The following CFAP210 variants were observed in gnomAD, a reference collection of about 807,000 sequenced individuals.
CFAP210 encodes the protein cilia- and flagella- associated protein 210.
the CFAP210 span, among the ~76,000 whole-genome samples, chr2:169,672,155 T>G: frequency 6.6e-6 from 1 of 152,234 alleles, no homozygotes; most frequent in Non-Finnish European, 1.5e-5. Flanking sequence ...GAATATAGCT[T>G]GGCGATAAGT....
At chr2:169,662,147 T>C in the CFAP210 span, 2 of 858,016 alleles carry the variant, frequency 2.3e-6, no homozygotes, top group South Asian at 3.4e-5. Flanking sequence ...CCTTACTTGA[T>C]CATTACATAA....
the CFAP210 span, chr2:169,650,207 T>G: frequency 9.9e-7 from 1 of 1,014,572 alleles, no homozygotes; most frequent in East Asian, 3.1e-5. Flanking sequence ...AGGAAGATAA[T>G]TCATACATTG....
At chr2:169,653,232 A>G in the CFAP210 span, among the ~76,000 whole-genome samples, 1 of 151,314 alleles carries the variant, frequency 6.6e-6, no homozygotes, top group Non-Finnish European at 1.5e-5. Context: ...TACAGATCTG[A>G]AAGAGTTAAG....
chr2:169,657,936 T>C, the CFAP210 span, among the ~76,000 whole-genome samples: 4 of 152,044 alleles, frequency 2.6e-5, no homozygotes, highest in Admixed American at 2.6e-4. Flanking sequence ...TTTCATACTA[T>C]CATACTTGTC....
the CFAP210 span, among the ~76,000 whole-genome samples, chr2:169,690,530 G>C: frequency 1.3e-5 from 2 of 152,014 alleles, no homozygotes; most frequent in Non-Finnish European, 2.9e-5. Flanking sequence ...AGGTGTGGTG[G>C]CGGGTGCCTG....
At chr2:169,683,588 T>C in the CFAP210 span, among the ~76,000 whole-genome samples, 2 of 152,206 alleles carry the variant, frequency 1.3e-5, no homozygotes, top group East Asian at 3.8e-4. Flanking sequence ...TTCGCTAAAA[T>C]TCTAAAGAGG....
chr2:169,671,140 A>C, the CFAP210 span, among the ~76,000 whole-genome samples: 1 of 152,190 alleles, frequency 6.6e-6, no homozygotes, highest in Non-Finnish European at 1.5e-5. Flanking sequence ...ATCCTAGCCT[A>C]TCTCTCCAAC....
At chr2:169,656,055 T>G in the CFAP210 span, among the ~76,000 whole-genome samples, 2 of 152,154 alleles carry the variant, frequency 1.3e-5, no homozygotes, top group African/African-American at 4.8e-5. Flanking sequence ...GGAAAACTGT[T>G]AAGTGGGACT....
At chr2:169,651,718 A>C in the CFAP210 span, among the ~76,000 whole-genome samples, 5 of 152,142 alleles carry the variant, frequency 3.3e-5, no homozygotes, top group Non-Finnish European at 5.9e-5. Context: ...GGCTGAGGCT[A>C]TAAAAGGCCT....
At chr2:169,649,441 A>G in the CFAP210 span, 4 of 1,155,868 alleles carry the variant, frequency 3.5e-6, no homozygotes, top group Non-Finnish European at 4.9e-6. Context: ...AGCAGAGGAG[A>G]GTCAGCCAGG....
chr2:169,656,964 C>CAAAAAAAAAA, the CFAP210 span, among the ~76,000 whole-genome samples: 11 of 40,262 alleles, frequency 2.7e-4, no homozygotes, highest in African/African-American at 7.3e-4. Flanking sequence ...GACTCCATCT[C>CAAAAAAAAAA]AAAAAAAAAA....
At chr2:169,694,015 C>T in the CFAP210 span, among the ~76,000 whole-genome samples, 1 of 152,134 alleles carries the variant, frequency 6.6e-6, no homozygotes, top group Admixed American at 6.6e-5. Flanking sequence ...TATCTTTTCT[C>T]CACCCCTATT....
chr2:169,680,696 G>T, the CFAP210 span, among the ~76,000 whole-genome samples: 1 of 152,186 alleles, frequency 6.6e-6, no homozygotes, highest in African/African-American at 2.4e-5. Flanking sequence ...GGATCCAGAA[G>T]AGGAGCAGGG....
the CFAP210 span, chr2:169,648,229 C>T: frequency 0.012 from 2,414 of 202,846 alleles, 66 homozygotes; most frequent in African/African-American, 0.054. Context: ...TTGTCTGATT[C>T]CATTTATGAG....
At chr2:169,686,817 A>G in the CFAP210 span, among the ~76,000 whole-genome samples, 2 of 152,144 alleles carry the variant, frequency 1.3e-5, no homozygotes, top group Admixed American at 1.3e-4. Context: ...AAATATTCAA[A>G]CCATCTTAAC....
the CFAP210 span, among the ~76,000 whole-genome samples, chr2:169,653,054 A>ATATATATATATATG: frequency 9.7e-6 from 1 of 102,614 alleles, no homozygotes; most frequent in African/African-American, 3.7e-5. Flanking sequence ...ATATATATAT[A>ATATATATATATATG]TATATATATA....
At chr2:169,645,800 TGCTACAAC>T in the CFAP210 span, 1 of 1,283,784 alleles carries the variant, frequency 7.8e-7, no homozygotes, top group Non-Finnish European at 1.1e-6. Flanking sequence ...AGCTCATATA[TGCTACAAC>T]TTAGTCTTCT....
chr2:169,676,328 T>C, the CFAP210 span, among the ~76,000 whole-genome samples: 9 of 150,906 alleles, frequency 6.0e-5, no homozygotes, highest in Admixed American at 3.3e-4. Context: ...TTAATACCAA[T>C]GGAGAGTTAA....
the CFAP210 span, chr2:169,658,277 A>G: frequency 6.6e-6 from 1 of 152,392 alleles, no homozygotes; most frequent in Non-Finnish European, 1.5e-5. Context: ...TACCATTTGT[A>G]CAACATATTT....
Sources: gnomAD v4.1 joint callset for allele counts (sites outside exome capture counted in the v4.1 genomes callset) on GRCh38, gnomAD v4.1.1 for gene constraint, MANE v1.5 for transcripts, NCBI Gene and HGNC (gene_info 2026-07-23, HGNC 2026-07-21) for gene names.